The following BRINP3 variants were observed in gnomAD, a reference collection of about 807,000 sequenced individuals.
BRINP3 encodes BMP/retinoic acid inducible neural specific 3.
Under a neutral mutation model 71.0 loss-of-function variants are expected in BRINP3, and 19 were observed. That is an observed-to-expected ratio of 0.27 (90% CI 0.19 to 0.39). The LOEUF (loss-of-function observed/expected upper bound fraction) is 0.39. Ranked by LOEUF, BRINP3 falls within the 10% of genes least tolerant of loss-of-function variation. The pLI is 1.00. For missense variants in BRINP3, 959 were observed against 940.8 expected, an observed-to-expected ratio of 1.02 and a Z score of -0.25; for synonymous variants, 380 against 337.7, an observed-to-expected ratio of 1.13 and a Z score of -1.37.
rs917056802 is a variant in BRINP3, at chr1:190,174,912, A to C, written c.962-14022T>G. On this transcript the variant is annotated intron_variant, in intron 6 of 7. Coordinates refer to ENST00000367462, the MANE Select transcript of BRINP3 (RefSeq NM_199051.3). ...CCCTGAAATATGCCACCACATATTA[A>C]AATTGAGGAATCATATTTATCCTAT... 5.9e-5 allele frequency among the ~76,000 whole-genome samples: 9 copies of C among 152,242 alleles called. No individual in the cohort carries two copies. The East Asian group carries it at 1.7e-3, about 29-fold the overall frequency.
chr1:190,215,377 C>T (rs779846903), intron 6 of BRINP3, among the ~76,000 whole-genome samples: 5 of 151,668 alleles, frequency 3.3e-5, no homozygotes, highest in African/African-American at 1.2e-4. Context: ...ATTGAGCAAC[C>T]GACAGCAGAT....
chr1:190,197,281 G>T (rs1413924997), intron 6 of BRINP3, among the ~76,000 whole-genome samples: 2 of 152,028 alleles, frequency 1.3e-5, no homozygotes, highest in Non-Finnish European at 2.9e-5. Flanking sequence ...AAGAGACAGA[G>T]CCAAACCATA....
intron 5 of BRINP3, among the ~76,000 whole-genome samples, chr1:190,228,204 C>T (rs568502196): frequency 6.6e-6 from 1 of 151,670 alleles, no homozygotes; most frequent in East Asian, 1.9e-4. Context: ...ATTTCAGATA[C>T]ACCTAGTGAT....
chr1:190,475,141 A>G (rs895107160), intron 1 of BRINP3, among the ~76,000 whole-genome samples: 12 of 152,192 alleles, frequency 7.9e-5, no homozygotes, highest in African/African-American at 2.9e-4. Flanking sequence ...AGTGACCGTC[A>G]GCAATAATAC....
intron 1 of BRINP3, among the ~76,000 whole-genome samples, chr1:190,462,493 G>GAATA (rs1389596812): frequency 3.3e-5 from 5 of 152,098 alleles, no homozygotes; most frequent in Admixed American, 1.3e-4. Context: ...AACAGGAATT[G>GAATA]AATAGCCTGT....
chr1:190,241,790 C>A (rs1209629376), intron 4 of BRINP3, among the ~76,000 whole-genome samples: 2 of 151,700 alleles, frequency 1.3e-5, no homozygotes, highest in Non-Finnish European at 2.9e-5. Context: ...TCTGTTACCA[C>A]ACATATAAGA....
chr1:190,335,444 T>A (rs577128006), intron 2 of BRINP3, among the ~76,000 whole-genome samples: 1 of 151,962 alleles, frequency 6.6e-6, no homozygotes, highest in East Asian at 1.9e-4. Context: ...AAATGATAAT[T>A]TTTTACTTAC....
chr1:190,230,501 C>CTG (rs1182393210), intron 5 of BRINP3, among the ~76,000 whole-genome samples: 12 of 151,762 alleles, frequency 7.9e-5, no homozygotes, highest in African/African-American at 2.7e-4. Flanking sequence ...AGCTGGTAAA[C>CTG]TGTGGTATTA....
intron 7 of BRINP3, among the ~76,000 whole-genome samples, chr1:190,131,466 T>A (rs1159076589): frequency 1.3e-5 from 2 of 151,998 alleles, no homozygotes; most frequent in Non-Finnish European, 2.9e-5. Context: ...GAAACTCATG[T>A]TTTTCTAAAG....
intron 3 of BRINP3, among the ~76,000 whole-genome samples, chr1:190,268,334 A>C (rs570037422): frequency 6.6e-6 from 1 of 152,188 alleles, no homozygotes; most frequent in East Asian, 1.9e-4. Context: ...TCTGGCCTCA[A>C]GTGATCCTCC....
intron 2 of BRINP3, among the ~76,000 whole-genome samples, chr1:190,340,249 G>A (rs1412968): frequency 0.13 from 19,209 of 151,798 alleles, 1,567 homozygotes; most frequent in South Asian, 0.26. Context: ...GACTTGAAAA[G>A]TAATCAAGGA....
intron 5 of BRINP3, among the ~76,000 whole-genome samples, chr1:190,228,691 A>G (rs1281164952): frequency 6.6e-6 from 1 of 152,032 alleles, no homozygotes; most frequent in African/African-American, 2.4e-5. Flanking sequence ...CTTGAATTTT[A>G]TAACCAGACC....
intron 6 of BRINP3, among the ~76,000 whole-genome samples, chr1:190,221,226 AAAC>A (rs1432802529): frequency 1.3e-5 from 2 of 152,132 alleles, no homozygotes; most frequent in Admixed American, 6.5e-5. Context: ...TCAAACAAAC[AAAC>A]AACAAAAAAA....
At chr1:190,193,785 A>T (rs1654248615) in intron 6 of BRINP3, among the ~76,000 whole-genome samples, 1 of 152,084 alleles carries the variant, frequency 6.6e-6, no homozygotes, top group African/African-American at 2.4e-5. Flanking sequence ...GGACAGTTTT[A>T]TAATCAGAAA....
intron 2 of BRINP3, among the ~76,000 whole-genome samples, chr1:190,334,097 A>G (rs1194121626): frequency 6.6e-6 from 1 of 151,904 alleles, no homozygotes; most frequent in Admixed American, 6.6e-5. Flanking sequence ...CTTTAGTTAA[A>G]TAAAATTTGT....
At chr1:190,461,273 T>C (rs1462808799) in intron 1 of BRINP3, among the ~76,000 whole-genome samples, 1 of 152,160 alleles carries the variant, frequency 6.6e-6, no homozygotes, top group Admixed American at 6.5e-5. Context: ...CTTCACCCCA[T>C]TTTCTCTCCA....
rs565843813 is a variant in BRINP3, at chr1:190,365,035, G to T, written c.237-83285C>A. 5.6e-4 allele frequency among the ~76,000 whole-genome samples: 86 copies of T among 152,246 alleles called. No individual in the cohort carries two copies. In the South Asian group the frequency reaches 0.017, roughly 30 times the overall value. ...CCCTAAAATCAAAGATGACATGGGA[G>T]GGCAGGTTGTTTTTATCCCTAAAAT... On this transcript the variant is annotated intron_variant, in intron 2 of 7. Transcript: ENST00000367462.
chr1:190,447,131 G>A (rs1338340220), intron 2 of BRINP3, among the ~76,000 whole-genome samples: 1 of 151,460 alleles, frequency 6.6e-6, no homozygotes, highest in Admixed American at 6.6e-5. Context: ...TTGTGAATAT[G>A]TAAAATGGAA....
intron 7 of BRINP3, among the ~76,000 whole-genome samples, chr1:190,137,542 A>G (rs534743837): frequency 6.6e-6 from 1 of 152,252 alleles, no homozygotes; most frequent in Non-Finnish European, 1.5e-5. Context: ...TGGTGTGATT[A>G]CAGAAGTAGC....
Sources: gnomAD v4.1 joint callset for allele counts (sites outside exome capture counted in the v4.1 genomes callset) on GRCh38, gnomAD v4.1.1 for gene constraint, MANE v1.5 for transcripts, NCBI Gene and HGNC (gene_info 2026-07-23, HGNC 2026-07-21) for gene names.